RFX6: variants seen among roughly 807,000 people sequenced by gnomAD.
The protein encoded by RFX6 is regulatory factor X6, also known as DNA-binding protein RFX6.
RFX6 carries 50 observed loss-of-function variants against 110.8 expected under a neutral mutation model. That is an observed-to-expected ratio of 0.45 (90% confidence interval 0.36 to 0.57). The LOEUF is 0.57. Among genes scored for constraint, RFX6 ranks in the 20% least tolerant of loss-of-function variants. The probability of loss-of-function intolerance (pLI) is 0.00; values close to 1 mark genes in which losing one functional copy is unlikely to be tolerated. For synonymous variants in RFX6, 383 were observed against 411.2 expected, an observed-to-expected ratio of 0.93 and a Z score of 0.83; for missense variants, 990 against 1,127.0, an observed-to-expected ratio of 0.88 and a Z score of 1.74.
At chr6:116,926,647 A>G (rs1251495962) in intron 16 of RFX6, among the ~76,000 whole-genome samples, 6 of 152,194 alleles carry the variant, frequency 3.9e-5, no homozygotes, top group Non-Finnish European at 7.3e-5. Context: ...AGCCATGGCC[A>G]TTTTGACATT....
intron 6 of RFX6, among the ~76,000 whole-genome samples, chr6:116,904,515 A>G (rs1319093778): frequency 3.3e-5 from 5 of 152,084 alleles, no homozygotes; most frequent in African/African-American, 1.2e-4. Context: ...ATTGTGGTAA[A>G]CTACATATAA....
At chr6:116,929,380 T>A (rs1488181286) in intron 18 of RFX6, among the ~76,000 whole-genome samples, 9 of 152,226 alleles carry the variant, frequency 5.9e-5, no homozygotes, top group East Asian at 3.9e-4. Flanking sequence ...ATGATCTCCA[T>A]CAGTATCCAA....
Position 116,877,304 on chromosome 6 carries a change from C to G in RFX6, c.29C>G (p.Thr10Ser), listed in dbSNP as rs376320481. 5.0e-6 allele frequency: 8 copies of G among 1,612,328 alleles called. No individual in the cohort carries two copies. Among genetic ancestry groups the G allele is most frequent in the Non-Finnish European group, 5.1e-6 (6 of 1,179,502 alleles). MAKVPELED[T>S]FLQAQPAPQL... ...GCCAAGGTCCCGGAGCTGGAAGACA[C>G]CTTCCTGCAGGCGCAGCCTGCGCCC... The change falls in exon 1 of 19, where the codon ACC becomes AGC. Residue 10 changes from threonine (T) to serine (S), a missense_variant. Physicochemically the swap from Thr to Ser is moderately conservative, Grantham distance 58. Coordinates refer to ENST00000332958, the MANE Select transcript of RFX6 (RefSeq NM_173560.4).
At chr6:116,922,557 C>A (rs1430384810) in intron 13 of RFX6, among the ~76,000 whole-genome samples, 1 of 152,082 alleles carries the variant, frequency 6.6e-6, no homozygotes, top group Non-Finnish European at 1.5e-5. Flanking sequence ...TCCAAAAGCT[C>A]AATATTTTGT....
chr6:116,918,117 C>G, intron 10 of RFX6, 31 bp downstream of exon 10: 1 of 1,490,842 alleles, frequency 6.7e-7, no homozygotes, highest in Non-Finnish European at 9.3e-7. Flanking sequence ...ATGAGCATTC[C>G]TAGTATAGGA....
rs561410616 is a variant in RFX6, at chr6:116,922,299, G to C, written c.1437+148G>C. 7.0e-4 allele frequency: 459 copies of C among 651,648 alleles called. 2 individuals are homozygous for C. Among genetic ancestry groups the C allele is most frequent in the South Asian group, 4.0e-3 (233 of 57,792 alleles). The allele number at this position is 651,648 out of a possible 1,614,324, so 40.4% of individuals were successfully genotyped here. A position where few individuals can be genotyped will look rare whatever the true frequency, so the allele number is the denominator to read the frequency against. On this transcript the variant is annotated intron_variant, in intron 13 of 18. Transcript: ENST00000332958. ...TTTTGATGCTCTACGAATAAGGCAG[G>C]CCAAATACTGAAATTAGGAATATGT... is the stretch of plus-strand genomic sequence containing the variant.
chr6:116,903,085 C>T lies in RFX6; in HGVS notation c.673-7850C>T, dbSNP rs141246555. Among the ~76,000 whole-genome samples the T allele has an allele frequency of 2.7e-3, 414 of 151,960 alleles. 2 individuals carry two copies. Among genetic ancestry groups the T allele is most frequent in the African/African-American group, 9.3e-3 (385 of 41,500 alleles). On this transcript the variant is annotated intron_variant, in intron 6 of 18. Transcript: ENST00000332958. ...CTATGATCTGGCACCTCTTTTAGTA[C>T]GATTGTAATAGCAAATATATTAGTG...
chr6:116,896,338 A>T (rs1006593656), intron 6 of RFX6, among the ~76,000 whole-genome samples: 1 of 152,222 alleles, frequency 6.6e-6, no homozygotes, highest in Non-Finnish European at 1.5e-5. Flanking sequence ...AAATTAAAAT[A>T]TTCTGATTAA....
At chr6:116,901,405 T>TG (rs1203503269) in intron 6 of RFX6, among the ~76,000 whole-genome samples, 1 of 152,182 alleles carries the variant, frequency 6.6e-6, no homozygotes, top group Non-Finnish European at 1.5e-5. Context: ...CTTACTGTAT[T>TG]GGACAGGAAA....
rs746808009 is a variant in RFX6, at chr6:116,918,121, T to C, written c.1022+35T>C. 4 of 1,437,398 alleles carry C rather than the reference T, an allele frequency of 2.8e-6. No homozygotes were observed. In the Admixed American group the frequency reaches 5.0e-5, roughly 18 times the overall value. The allele number at this position is 1,437,398 out of a possible 1,614,324, so 89.0% of individuals were successfully genotyped here. A position where few individuals can be genotyped will look rare whatever the true frequency, so the allele number is the denominator to read the frequency against. On this transcript the variant is annotated intron_variant, in intron 10 of 18. Coordinates refer to ENST00000332958, the MANE Select transcript of RFX6 (RefSeq NM_173560.4). The stretch of plus-strand genomic sequence containing the variant: ...GTTAATAAAACATGAGCATTCCTAG[T>C]ATAGGATTTAACTTTATACATTATA...
At chr6:116,885,657 C>T (rs1244798291) in intron 4 of RFX6, among the ~76,000 whole-genome samples, 2 of 152,038 alleles carry the variant, frequency 1.3e-5, no homozygotes, top group East Asian at 1.9e-4. Context: ...TTTCCAATAT[C>T]AATCGTATCA....
chr6:116,900,596 A>T (rs1027687525), intron 6 of RFX6, among the ~76,000 whole-genome samples: 8 of 151,872 alleles, frequency 5.3e-5, no homozygotes, highest in South Asian at 2.1e-4. Flanking sequence ...ATTTTTATTT[A>T]AAAAAAATTT....
chr6:116,890,023 A>G (rs1774785587), intron 4 of RFX6, among the ~76,000 whole-genome samples: 1 of 133,124 alleles, frequency 7.5e-6, no homozygotes, highest in Non-Finnish European at 1.6e-5. Flanking sequence ...TGCTTACATT[A>G]CTCCTGCCAA....
At chr6:116,895,550 T>G (rs1262094522) in intron 6 of RFX6, among the ~76,000 whole-genome samples, 1 of 152,120 alleles carries the variant, frequency 6.6e-6, no homozygotes, top group Non-Finnish European at 1.5e-5. Context: ...TGGAAAGAAT[T>G]GGTCTTTGGA....
chr6:116,888,665 G>T (rs547446793), intron 4 of RFX6, among the ~76,000 whole-genome samples: 2 of 152,234 alleles, frequency 1.3e-5, no homozygotes, highest in South Asian at 4.1e-4. Flanking sequence ...ATCAGGTAGT[G>T]TTATATAAAT....
chr6:116,893,516 G>A (rs1016848367), intron 4 of RFX6, among the ~76,000 whole-genome samples: 1 of 152,134 alleles, frequency 6.6e-6, no homozygotes, highest in African/African-American at 2.4e-5. Context: ...TTCCTCGTGA[G>A]GAAAATAATG....
chr6:116,908,578 C>T (rs1562141582), intron 6 of RFX6, among the ~76,000 whole-genome samples: 1 of 151,842 alleles, frequency 6.6e-6, no homozygotes, highest in Non-Finnish European at 1.5e-5. Context: ...TTGTGATTTT[C>T]AAGGGTATTT....
intron 4 of RFX6, among the ~76,000 whole-genome samples, chr6:116,891,219 T>C (rs1774825092): frequency 6.6e-6 from 1 of 152,202 alleles, no homozygotes; most frequent in African/African-American, 2.4e-5. Context: ...TACTGACAAC[T>C]AGCACAGTGG....
At chr6:116,902,019 A>G (rs139409160) in intron 6 of RFX6, among the ~76,000 whole-genome samples, 99 of 152,230 alleles carry the variant, frequency 6.5e-4, no homozygotes, top group African/African-American at 2.2e-3. Flanking sequence ...TGAGCGAATG[A>G]ATGATAGTTA....
Sources: allele counts gnomAD v4.1 joint callset (sites outside exome capture counted in the v4.1 genomes callset), GRCh38; gene constraint gnomAD v4.1.1; transcripts MANE v1.5; gene names NCBI Gene and HGNC (gene_info 2026-07-23, HGNC 2026-07-21).